The following CCSER1 variants were observed in gnomAD, a reference collection of about 807,000 sequenced individuals.
The protein encoded by CCSER1 is serine-rich coiled-coil domain-containing protein 1.
CCSER1 carries 41 observed loss-of-function variants against 82.0 expected under a neutral mutation model. The observed-to-expected ratio is 0.50, with a 90% CI of 0.39 to 0.65. The LOEUF (loss-of-function observed/expected upper bound fraction) is 0.65. Ranked by LOEUF, CCSER1 falls within the 30% of genes least tolerant of loss-of-function variation. The pLI is 0.00. For missense variants in CCSER1, 1,119 were observed against 1,064.2 expected (o/e 1.05, Z -0.72); for synonymous variants, 414 against 383.9 (o/e 1.08, Z -0.92).
chr4:91,309,740 T>C (rs1486875083), intron 10 of CCSER1, among the ~76,000 whole-genome samples: 2 of 152,012 alleles, frequency 1.3e-5, no homozygotes, highest in African/African-American at 2.4e-5. Flanking sequence ...TTCATGTATA[T>C]ATAGGAATAT....
intron 10 of CCSER1, among the ~76,000 whole-genome samples, chr4:91,088,168 T>G (rs569327641): frequency 6.6e-6 from 1 of 152,162 alleles, no homozygotes; most frequent in Non-Finnish European, 1.5e-5. Context: ...AATGATTTCT[T>G]AGAATTTCTC....
intron 1 of CCSER1, among the ~76,000 whole-genome samples, chr4:90,156,677 C>T (rs931628776): frequency 2.6e-5 from 4 of 152,108 alleles, no homozygotes; most frequent in African/African-American, 9.7e-5. Context: ...TCTGTTTTAT[C>T]CGAGACTGGG....
chr4:91,593,467 C>CTTTTTTTTTTTTTTTTTTTTTTTTTT (rs753973015), intron 10 of CCSER1, among the ~76,000 whole-genome samples: 4 of 55,020 alleles, frequency 7.3e-5, no homozygotes, highest in South Asian at 7.0e-4. Context: ...CAACCCCGTG[C>CTTTTTTTTTTTTTTTTTTTTTTTTTT]TTTTTTTTTT....
chr4:91,004,398 A>G (rs1738320078), intron 9 of CCSER1, among the ~76,000 whole-genome samples: 1 of 152,224 alleles, frequency 6.6e-6, no homozygotes, highest in African/African-American at 2.4e-5. Flanking sequence ...TCTGATGCTG[A>G]ACTAGTGTTT....
At chr4:90,762,132 G>A (rs138481042) in intron 7 of CCSER1, among the ~76,000 whole-genome samples, 88 of 152,172 alleles carry the variant, frequency 5.8e-4, no homozygotes, top group African/African-American at 1.8e-3. Context: ...CACACATGTC[G>A]TGGGAAGGAC....
intron 10 of CCSER1, among the ~76,000 whole-genome samples, chr4:91,516,990 G>T (rs1272875564): frequency 1.3e-5 from 2 of 151,956 alleles, no homozygotes; most frequent in Non-Finnish European, 2.9e-5. Context: ...TCCTTGTTTG[G>T]CTCTTGGCTT....
intron 10 of CCSER1, among the ~76,000 whole-genome samples, chr4:91,175,601 G>C (rs1329004019): frequency 1.3e-5 from 2 of 152,122 alleles, no homozygotes; most frequent in Non-Finnish European, 2.9e-5. Context: ...TCATGTGTCT[G>C]TTGGCTGCAT....
intron 7 of CCSER1, among the ~76,000 whole-genome samples, chr4:90,787,496 TA>T (rs1754676148): frequency 6.6e-6 from 1 of 152,254 alleles, no homozygotes; most frequent in African/African-American, 2.4e-5. Context: ...GTTGTTTACT[TA>T]GGTTGCTTTC....
At chr4:91,472,764 T>C (rs977592212) in intron 10 of CCSER1, among the ~76,000 whole-genome samples, 1 of 152,186 alleles carries the variant, frequency 6.6e-6, no homozygotes, top group Non-Finnish European at 1.5e-5. Context: ...TCACAGGTCA[T>C]ACCTTATGAC....
chr4:90,903,836 CA>C (rs34799713), intron 8 of CCSER1, among the ~76,000 whole-genome samples: 205 of 121,308 alleles, frequency 1.7e-3, no homozygotes, highest in Middle Eastern at 9.2e-3. Context: ...TACTCTGTCT[CA>C]AAAAAAAAAA....
chr4:91,478,267 C>A (rs1003040918), intron 10 of CCSER1, among the ~76,000 whole-genome samples: 1 of 151,848 alleles, frequency 6.6e-6, no homozygotes, highest in African/African-American at 2.4e-5. Context: ...TATTCAACTA[C>A]ATTTTAGCTG....
chr4:90,532,762 C>T (rs141003515), intron 5 of CCSER1, among the ~76,000 whole-genome samples: 61 of 152,172 alleles, frequency 4.0e-4, no homozygotes, highest in African/African-American at 1.3e-3. Context: ...TTTACATTTC[C>T]CTAGGATATT....
intron 10 of CCSER1, among the ~76,000 whole-genome samples, chr4:91,441,083 C>G (rs1755100303): frequency 1.3e-5 from 2 of 151,960 alleles, no homozygotes; most frequent in South Asian, 4.2e-4. Flanking sequence ...CTATTCCAAT[C>G]AATAGAAAAA....
chr4:90,663,654 T>C (rs1365836264), intron 6 of CCSER1, among the ~76,000 whole-genome samples: 1 of 152,164 alleles, frequency 6.6e-6, no homozygotes, highest in Non-Finnish European at 1.5e-5. Context: ...CAGCCTATAC[T>C]TTATTATTCT....
intron 1 of CCSER1, among the ~76,000 whole-genome samples, chr4:90,163,795 A>G (rs943264369): frequency 6.6e-6 from 1 of 152,168 alleles, no homozygotes; most frequent in African/African-American, 2.4e-5. Context: ...GAAGTACTAC[A>G]TTAATGACAT....
intron 10 of CCSER1, among the ~76,000 whole-genome samples, chr4:91,248,727 G>A (rs951376242): frequency 6.6e-6 from 1 of 151,806 alleles, no homozygotes; most frequent in Non-Finnish European, 1.5e-5. Context: ...AGGATATTAG[G>A]TAAAAACTAA....
intron 4 of CCSER1, among the ~76,000 whole-genome samples, chr4:90,401,453 T>C (rs1379391735): frequency 1.3e-5 from 2 of 152,224 alleles, no homozygotes; most frequent in Admixed American, 1.3e-4. Flanking sequence ...GAATATACAA[T>C]GGTTTACCGA....
intron 10 of CCSER1, among the ~76,000 whole-genome samples, chr4:91,112,372 T>C (rs931670067): frequency 3.9e-5 from 6 of 152,144 alleles, no homozygotes; most frequent in Non-Finnish European, 7.4e-5. Flanking sequence ...AGTTTTTATC[T>C]AATACAGCTT....
chr4:90,730,249 C>T (rs1353668593), intron 7 of CCSER1, among the ~76,000 whole-genome samples: 2 of 152,180 alleles, frequency 1.3e-5, no homozygotes, highest in Non-Finnish European at 2.9e-5. Context: ...GTGTATCCTG[C>T]ATAGACTCAT....
Sources: gnomAD v4.1 joint callset for allele counts (sites outside exome capture counted in the v4.1 genomes callset) on GRCh38, gnomAD v4.1.1 for gene constraint, MANE v1.5 for transcripts, NCBI Gene and HGNC (gene_info 2026-07-23, HGNC 2026-07-21) for gene names.